The following COL20A1 variants were observed in gnomAD, a reference collection of about 807,000 sequenced individuals.
The protein encoded by COL20A1 is collagen type XX alpha 1 chain.
A neutral mutation model predicts 152.9 loss-of-function variants in COL20A1; 164 were observed. The observed-to-expected ratio is 1.07, with a 90% CI of 0.94 to 1.22. The LOEUF is 1.22. Among genes scored for constraint, COL20A1 ranks in the 50% most tolerant of loss-of-function variants. The pLI is 0.00. For synonymous variants in COL20A1, 864 were observed against 756.0 expected (o/e 1.14, Z -2.34); for missense variants, 1,873 against 1,744.8 (o/e 1.07, Z -1.31).
chr20:63,293,796 G>GCTTTCCCGCCGGGTGAGGC (rs959546724), intron 1 of COL20A1, among the ~76,000 whole-genome samples: 1 of 151,080 alleles, frequency 6.6e-6, no homozygotes, highest in African/African-American at 2.4e-5. Flanking sequence ...TAAGCCGGTG[G>GCTTTCCCGCCGGGTGAGGC]CTTTCCCGCC....
chr20:63,310,007 A>G, intron 10 of COL20A1, 92 bp downstream of exon 10: 1 of 1,193,608 alleles, frequency 8.4e-7, no homozygotes, highest in Non-Finnish European at 1.2e-6. Flanking sequence ...AAAGGCCCAC[A>G]AATAACTGGG....
intron 24 of COL20A1, 42 bp downstream of exon 24, chr20:63,320,239 G>T: frequency 6.2e-7 from 1 of 1,604,186 alleles, no homozygotes; most frequent in Non-Finnish European, 8.5e-7. Context: ...CGCTGGTGGG[G>T]GCTGGCAGCC....
At chr20:63,327,906 C>T (rs1317996294) in intron 31 of COL20A1, 46 bp from the exon 32 acceptor site, 4 of 1,559,618 alleles carry the variant, frequency 2.6e-6, no homozygotes, top group Non-Finnish European at 3.5e-6. Flanking sequence ...CACGTGTGGT[C>T]TCAGGCCATC....
chr20:63,327,819 G>C (rs1380121655), intron 31 of COL20A1, 133 bp from the exon 32 acceptor site: 2 of 894,540 alleles, frequency 2.2e-6, no homozygotes, highest in African/African-American at 3.3e-5. Context: ...GGGAATTTGG[G>C]ATGGGGCTTT....
At position 63,311,279 on chromosome 20, in the gene COL20A1, C is replaced by G; in HGVS notation, c.1394-115C>G. 1 of 1,183,178 alleles carries G rather than the reference C, an allele frequency of 8.5e-7. No homozygotes were observed. Among genetic ancestry groups the G allele is most frequent in the Non-Finnish European group, 1.2e-6 (1 of 864,334 alleles). 73.3% of individuals were successfully genotyped at this position (1,183,178 alleles called of 1,614,324 possible). ...AGCCTGGGAAGTGCCACTTTGAATC[C>G]TGTGCACCTGCCAGGCGGTGGCCGT... On this transcript the variant is annotated intron_variant, in intron 11 of 35. Transcript: ENST00000358894. This position sits in a 1 kb window ranked among gnomAD's most constrained non-coding sequence, Gnocchi z 4.4.
intron 21 of COL20A1, among the ~76,000 whole-genome samples, chr20:63,316,899 C>T (rs2068092191): frequency 6.6e-6 from 1 of 152,218 alleles, no homozygotes. Context: ...TCTCCATGGG[C>T]AGAGTGAGGC....
At chr20:63,295,260 G>A (rs1305635452) in intron 2 of COL20A1, 71 bp downstream of exon 2, 16 of 1,011,858 alleles carry the variant, frequency 1.6e-5, no homozygotes, top group Middle Eastern at 5.5e-4. Flanking sequence ...CACGCGGGAC[G>A]AGCCCTCCGC....
At chr20:63,316,718 C>T (rs1418695131) in intron 21 of COL20A1, 27 bp downstream of exon 21, 15 of 1,497,882 alleles carry the variant, frequency 1.0e-5, no homozygotes, top group Non-Finnish European at 1.2e-5. Context: ...TGGGGTGGAG[C>T]TGGAAGCCCA....
At position 63,308,581 on chromosome 20, in the gene COL20A1, C is replaced by T. The variant is rs762652815; in HGVS notation, c.815C>T (p.Pro272Leu). 20 of 1,604,866 alleles carry T rather than the reference C, an allele frequency of 1.2e-5. No individual in the cohort carries two copies. Among genetic ancestry groups the T allele is most frequent in the African/African-American group, 6.7e-5 (5 of 74,804 alleles). Residue 272 changes from proline (P) to leucine (L), a missense_variant, in exon 8 of 36, where the codon CCG becomes CTG. Physicochemically the swap from Pro to Leu is moderately conservative, Grantham distance 98 (BLOSUM62 -3). Coordinates refer to ENST00000358894, the MANE Select transcript of COL20A1 (RefSeq NM_020882.4). ...LTHVLGQNLQPAAGLRPEAAK... is the reference protein window; with the variant it reads ...LTHVLGQNLQLAAGLRPEAAK... ...CACGTGCTGGGGCAGAACCTGCAGC[C>T]GGCGGCTGGCCTCCGTCCAGAGGCA...
chr20:63,311,081 C>T lies in COL20A1; in HGVS notation c.1394-313C>T, dbSNP rs1162170803. On this transcript the variant is annotated intron_variant, in intron 11 of 35. Coordinates refer to ENST00000358894, the MANE Select transcript of COL20A1 (RefSeq NM_020882.4). This position sits in a 1 kb window ranked among gnomAD's most constrained non-coding sequence, Gnocchi z 4.4. ...CTGGATGTGCCTGTCCCAGACGTTT[C>T]CTGCAGGTGGAATCACACAGTGCAG... Among the ~76,000 whole-genome samples, 1 of 151,920 alleles carries T rather than the reference C, an allele frequency of 6.6e-6. No individual in the cohort carries two copies. Among genetic ancestry groups the T allele is most frequent in the African/African-American group, 2.4e-5 (1 of 41,338 alleles).
rs376634286 is a variant in COL20A1 at position 63,316,636 on chromosome 20, G to C, written c.2608G>C (p.Gly870Arg). 2 of 1,579,000 alleles carry C rather than the reference G, an allele frequency of 1.3e-6. No individual in the cohort carries two copies. Among genetic ancestry groups the C allele is most frequent in the African/African-American group, 1.3e-5 (1 of 74,354 alleles). ...RGVAMEPSAF[G>R]GTPTFTLFKD... ...CGTGGCCATGGAGCCCTCTGCCTTC[G>C]GTGGGACCCCGACCTTCACGCTCTT... Residue 870 changes from glycine (G) to arginine (R), a missense_variant, in exon 21 of 36, where the codon GGT becomes CGT. Physicochemically the swap from Gly to Arg is moderately radical, Grantham distance 125. Coordinates refer to ENST00000358894, the MANE Select transcript of COL20A1 (RefSeq NM_020882.4).
At chr20:63,317,517 C>G (rs889187578) in intron 21 of COL20A1, among the ~76,000 whole-genome samples, 3 of 146,564 alleles carry the variant, frequency 2.0e-5, no homozygotes, top group African/African-American at 7.5e-5. Flanking sequence ...TATTCTGTAA[C>G]AGAGATTTTA....
At position 63,305,954 on chromosome 20, in the gene COL20A1, C is replaced by T. The variant is rs777070449; in HGVS notation, c.411C>T (p.Thr137=). The change falls in exon 5 of 36, where the codon ACC becomes ACT. Residue 137 remains threonine, a synonymous_variant. Transcript: ENST00000358894. The surrounding 1 kb of genome is among the most constrained non-coding windows in gnomAD (Gnocchi z 4.9). ...RPLGSGAPEP[T]PSHTGSPDPE... ...TCGGCTCTGGAGCCCCGGAGCCCACCCCCTCCCACACGGGGAGCCCAGACC... is the reference window on the plus strand; with the variant it reads ...TCGGCTCTGGAGCCCCGGAGCCCACTCCCTCCCACACGGGGAGCCCAGACC... 6.2e-7 allele frequency: 1 copy of T among 1,612,570 alleles called. No individual in the cohort carries two copies. The highest frequency in any genetic ancestry group is 1.3e-5 in the African/African-American group (1 of 74,932).
At chr20:63,326,660 A>G in intron 30 of COL20A1, 92 bp from the exon 31 acceptor site, 1 of 841,482 alleles carries the variant, frequency 1.2e-6, no homozygotes, top group South Asian at 2.2e-5. Flanking sequence ...TTGTCAGGTC[A>G]GGGGGCCCCT....
chr20:63,319,631 C>T lies in COL20A1; in HGVS notation c.2916+35C>T. On this transcript the variant is annotated intron_variant, in intron 23 of 35. Transcript: ENST00000358894. The surrounding 1 kb of genome is among the most constrained non-coding windows in gnomAD (Gnocchi z 4.4). ...CAGCTCGCGCCCCTCTCCCCCGTTC[C>T]CCCAGCTCTGGGGCAGCCCAGCCCC... 1 of 1,468,762 alleles carries T rather than the reference C, an allele frequency of 6.8e-7. No homozygotes were observed. The highest frequency in any genetic ancestry group is 1.2e-5 in the South Asian group (1 of 82,202). The allele number at this position is 1,468,762 out of a possible 1,614,324, so 91.0% of individuals were successfully genotyped here. A position where few individuals can be genotyped will look rare whatever the true frequency, so the allele number is the denominator to read the frequency against.
intron 5 of COL20A1, among the ~76,000 whole-genome samples, chr20:63,307,284 G>A (rs181703446): frequency 6.6e-6 from 1 of 152,366 alleles, no homozygotes; most frequent in African/African-American, 2.4e-5. Context: ...GCACCAGGCT[G>A]CCTCACATTA....
Position 63,313,195 on chromosome 20 carries a change from G to A in COL20A1, c.2155G>A (p.Ala719Thr). The A allele has an allele frequency of 1.2e-6, 2 of 1,612,560 alleles. No individual in the cohort carries two copies. Among genetic ancestry groups the A allele is most frequent in the East Asian group, 2.2e-5 (1 of 44,864 alleles). The change falls in exon 17 of 36, where the codon GCC (alanine) becomes ACC (threonine). Residue 719 changes from alanine (A) to threonine (T), a missense_variant. Coordinates refer to ENST00000358894, the MANE Select transcript of COL20A1 (RefSeq NM_020882.4). The surrounding 1 kb of genome is among the most constrained non-coding windows in gnomAD (Gnocchi z 5.9). ...RHTEYDVTILAYYRDGARSDP... is the reference protein window; with the variant it reads ...RHTEYDVTILTYYRDGARSDP... The stretch of plus-strand genomic sequence containing the variant: ...CACAGAGTACGACGTCACCATCTTG[G>A]CCTACTACAGGGACGGGGCCCGCAG...
At chr20:63,303,880 CCACCCTCCTCTTCTCCCTG>C (rs2067888385) in intron 3 of COL20A1, among the ~76,000 whole-genome samples, 2 of 146,540 alleles carry the variant, frequency 1.4e-5, no homozygotes, top group South Asian at 4.4e-4. Flanking sequence ...GGTGTGGGTT[CCACCCTCCTCTTCTCCCTG>C]CAGGTGTGCA....
At chr20:63,293,763 G>A (rs1035256602) in intron 1 of COL20A1, among the ~76,000 whole-genome samples, 3 of 151,930 alleles carry the variant, frequency 2.0e-5, no homozygotes, top group Admixed American at 6.6e-5. Flanking sequence ...TTGGCCGGCC[G>A]GGCGGGCATG....
Sources: gnomAD v4.1 joint callset for allele counts (sites outside exome capture counted in the v4.1 genomes callset) on GRCh38, gnomAD v4.1.1 for gene constraint, Gnocchi (gnomAD v3.1) non-coding constraint, MANE v1.5 for transcripts, NCBI Gene and HGNC (gene_info 2026-07-23, HGNC 2026-07-21) for gene names.